CSMD1: variants seen among roughly 807,000 people sequenced by gnomAD.
CSMD1 encodes the protein CUB and sushi domain-containing protein 1.
In CSMD1, 213 loss-of-function variants were observed where a neutral mutation model predicts 417.5. The ratio of observed to expected loss-of-function variants is 0.51; its 90% CI spans 0.46 to 0.57. The LOEUF (loss-of-function observed/expected upper bound fraction) is 0.57, where lower values mean the gene tolerates loss of function less well. Among genes scored for constraint, CSMD1 ranks in the 20% least tolerant of loss-of-function variants. The pLI, the probability that CSMD1 is intolerant of heterozygous loss-of-function variation, is 0.00. For synonymous variants in CSMD1, 2,862 were observed against 1,736.8 expected (o/e 1.65, Z -16.11); for missense variants, 6,923 against 4,529.7 (o/e 1.53, Z -15.17).
chr8:3,525,413 C>T (rs1323172936), intron 10 of CSMD1, among the ~76,000 whole-genome samples: 2 of 152,054 alleles, frequency 1.3e-5, no homozygotes, highest in Non-Finnish European at 2.9e-5. Flanking sequence ...TAGTAATATC[C>T]CAGGTACTGA....
rs1419144649 is a variant in CSMD1 at position 3,852,578 on chromosome 8, G to A, written c.819-98536C>T. Among the ~76,000 whole-genome samples the A allele has an allele frequency of 4.6e-5, 7 of 152,114 alleles. 1 individual carries two copies. The highest frequency in any genetic ancestry group is 3.3e-4 in the Admixed American group (5 of 15,266). On this transcript the variant is annotated intron_variant, in intron 5 of 69. Transcript: ENST00000635120. ...AGGTGGGAGGAGGGATGGAGTAGAG[G>A]ACTTACTCGTGTCAGCTATCTCAGC...
intron 49 of CSMD1, among the ~76,000 whole-genome samples, chr8:3,054,716 T>A (rs548569346): frequency 6.6e-6 from 1 of 152,204 alleles, no homozygotes; most frequent in African/African-American, 2.4e-5. Context: ...TGTGTGTACA[T>A]GTGTGTAGTA....
chr8:3,684,925 C>A (rs549157072), intron 7 of CSMD1, among the ~76,000 whole-genome samples: 1 of 152,240 alleles, frequency 6.6e-6, no homozygotes, highest in East Asian at 1.9e-4. Context: ...CCGGGAAGCA[C>A]TTGGCCAAAG....
At chr8:3,934,092 G>A (rs1270160015) in intron 5 of CSMD1, among the ~76,000 whole-genome samples, 5 of 152,048 alleles carry the variant, frequency 3.3e-5, no homozygotes, top group African/African-American at 1.2e-4. Context: ...CTTTTCTAAG[G>A]AATGTTTTTG....
chr8:3,416,477 A>G (rs368332680), intron 12 of CSMD1, among the ~76,000 whole-genome samples: 4 of 152,320 alleles, frequency 2.6e-5, no homozygotes, highest in South Asian at 2.1e-4. Context: ...CAATTTCCAC[A>G]TAAGAATGTA....
intron 2 of CSMD1, among the ~76,000 whole-genome samples, chr8:4,571,325 G>C (rs769079649): frequency 2.0e-5 from 3 of 152,182 alleles, no homozygotes; most frequent in African/African-American, 7.2e-5. Context: ...GTGTCCCAGA[G>C]ATTCTGGTAC....
intron 7 of CSMD1, among the ~76,000 whole-genome samples, chr8:3,637,903 C>A (rs1423353997): frequency 6.6e-6 from 1 of 152,172 alleles, no homozygotes; most frequent in Non-Finnish European, 1.5e-5. Context: ...AGTTCCCCTG[C>A]CCACACTCTC....
chr8:4,080,917 C>G (rs191224938), intron 3 of CSMD1, among the ~76,000 whole-genome samples: 2 of 152,238 alleles, frequency 1.3e-5, no homozygotes, highest in Non-Finnish European at 2.9e-5. Flanking sequence ...GAGGCAGGGC[C>G]TTTGTGAGGT....
chr8:3,564,373 C>A (rs1358811757), intron 10 of CSMD1, among the ~76,000 whole-genome samples: 1 of 152,148 alleles, frequency 6.6e-6, no homozygotes, highest in African/African-American at 2.4e-5. Flanking sequence ...CCTACACAAA[C>A]CTAGACATTC....
At chr8:3,041,187 A>T (rs1054944652) in intron 50 of CSMD1, among the ~76,000 whole-genome samples, 2 of 152,186 alleles carry the variant, frequency 1.3e-5, no homozygotes, top group Non-Finnish European at 2.9e-5. Flanking sequence ...TAAAAAGGAA[A>T]TTTTACAGGG....
intron 37 of CSMD1, among the ~76,000 whole-genome samples, chr8:3,167,820 G>T (rs1299967371): frequency 2.0e-5 from 3 of 152,132 alleles, no homozygotes; most frequent in Admixed American, 2.0e-4. Flanking sequence ...TCAGGTCCCT[G>T]GAATTTATTG....
intron 5 of CSMD1, among the ~76,000 whole-genome samples, chr8:3,900,052 GTAGCTGGGTAACAC>G (rs1300362608): frequency 1.3e-5 from 2 of 152,150 alleles, no homozygotes; most frequent in Non-Finnish European, 2.9e-5. Context: ...GGCCGATGCT[GTAGCTGGGTAACAC>G]TAGCTGGGTG....
At chr8:4,901,914 T>G (rs1167359342) in intron 1 of CSMD1, among the ~76,000 whole-genome samples, 2 of 152,074 alleles carry the variant, frequency 1.3e-5, no homozygotes, top group African/African-American at 4.8e-5. Flanking sequence ...CTAAATACGT[T>G]AAAAAGATTG....
At chr8:3,878,373 A>C (rs888308090) in intron 5 of CSMD1, among the ~76,000 whole-genome samples, 2 of 152,198 alleles carry the variant, frequency 1.3e-5, no homozygotes, top group Non-Finnish European at 2.9e-5. Flanking sequence ...ATACACGAAG[A>C]AAATCCTGGA....
intron 5 of CSMD1, among the ~76,000 whole-genome samples, chr8:3,888,381 T>A (rs1035199527): frequency 6.6e-6 from 1 of 152,202 alleles, no homozygotes; most frequent in Non-Finnish European, 1.5e-5. Flanking sequence ...ACAAGCTTCA[T>A]AGAGAAGCCT....
intron 3 of CSMD1, among the ~76,000 whole-genome samples, chr8:4,104,481 T>G (rs1182252058): frequency 6.6e-6 from 1 of 152,234 alleles, no homozygotes; most frequent in Non-Finnish European, 1.5e-5. Context: ...TATTTGACTC[T>G]ATTGAATTTT....
chr8:3,575,765 T>C (rs763316443), intron 9 of CSMD1, among the ~76,000 whole-genome samples: 2 of 151,502 alleles, frequency 1.3e-5, no homozygotes, highest in African/African-American at 4.8e-5. Flanking sequence ...GAGTGAAGCA[T>C]AGAAATTGCA....
intron 7 of CSMD1, among the ~76,000 whole-genome samples, chr8:3,675,052 C>G (rs957581356): frequency 1.3e-5 from 2 of 152,168 alleles, no homozygotes; most frequent in African/African-American, 4.8e-5. Flanking sequence ...TTAATATCCA[C>G]CTTTTGGAAA....
Position 3,504,637 on chromosome 8 carries a change from C to A in CSMD1, c.1345-10911G>T, listed in dbSNP as rs531544436. 3.9e-5 allele frequency among the ~76,000 whole-genome samples: 6 copies of A among 152,336 alleles called. No individual in the cohort carries two copies. The South Asian group carries it at 1.0e-3, about 26-fold the overall frequency. ...AAACTCATCTGTCTTCTCTCTGACT[C>A]TGCAATTTCTAACTCCAATTTTATC... On this transcript the variant is annotated intron_variant, in intron 10 of 69. Coordinates refer to ENST00000635120, the MANE Select transcript of CSMD1 (RefSeq NM_033225.6).
Sources: gnomAD v4.1 joint callset for allele counts (sites outside exome capture counted in the v4.1 genomes callset) on GRCh38, gnomAD v4.1.1 for gene constraint, MANE v1.5 for transcripts, NCBI Gene and HGNC (gene_info 2026-07-23, HGNC 2026-07-21) for gene names.